The following SORCS1 variants were observed in gnomAD, a reference collection of about 807,000 sequenced individuals.
SORCS1 encodes the protein sortilin related VPS10 domain containing receptor 1, also known as VPS10 domain-containing receptor SorCS1.
SORCS1 carries 60 observed loss-of-function variants against 146.1 expected under a neutral mutation model. That is an observed-to-expected ratio of 0.41 (90% CI 0.33 to 0.51). The LOEUF (loss-of-function observed/expected upper bound fraction) is 0.51, where lower values mean the gene tolerates loss of function less well. Among genes scored for constraint, SORCS1 ranks in the 20% least tolerant of loss-of-function variants. The pLI is 0.21. For synonymous variants in SORCS1, 637 were observed against 584.0 expected (o/e 1.09, Z -1.31); for missense variants, 1,352 against 1,487.6 (o/e 0.91, Z 1.50).
chr10:107,091,606 G>A (rs780550011), intron 1 of SORCS1, among the ~76,000 whole-genome samples: 9 of 151,982 alleles, frequency 5.9e-5, no homozygotes, highest in South Asian at 2.1e-4. Flanking sequence ...TCCAGAGACC[G>A]AGTTCATTTG....
At chr10:107,030,167 G>A (rs566348194) in intron 1 of SORCS1, among the ~76,000 whole-genome samples, 7 of 152,128 alleles carry the variant, frequency 4.6e-5, no homozygotes, top group Admixed American at 2.6e-4. Context: ...TTGTTGGGTC[G>A]AGTGCCAGTC....
intron 1 of SORCS1, among the ~76,000 whole-genome samples, chr10:107,063,031 T>C (rs56413815): frequency 0.035 from 5,371 of 152,282 alleles, 297 homozygotes; most frequent in African/African-American, 0.12. Context: ...TACTAGGCTC[T>C]GTGAGAGGTT....
intron 2 of SORCS1, among the ~76,000 whole-genome samples, chr10:106,924,022 C>T (rs1952854642): frequency 6.6e-6 from 1 of 152,066 alleles, no homozygotes; most frequent in Non-Finnish European, 1.5e-5. Flanking sequence ...CTTTGGGAGG[C>T]CAAGGGCAGA....
intron 2 of SORCS1, among the ~76,000 whole-genome samples, chr10:106,902,031 G>A (rs1439492838): frequency 6.6e-6 from 1 of 150,852 alleles, no homozygotes; most frequent in South Asian, 2.1e-4. Flanking sequence ...GTGACAGAGC[G>A]AGACTCTGTC....
At chr10:107,065,746 G>T (rs1017490047) in intron 1 of SORCS1, among the ~76,000 whole-genome samples, 3 of 152,004 alleles carry the variant, frequency 2.0e-5, no homozygotes, top group Admixed American at 1.3e-4. Context: ...TCGAACTCCT[G>T]AGCTCAAGAG....
At chr10:106,790,424 G>C (rs1383471698) in intron 3 of SORCS1, among the ~76,000 whole-genome samples, 1 of 152,182 alleles carries the variant, frequency 6.6e-6, no homozygotes, top group East Asian at 1.9e-4. Context: ...ACTGAAACTA[G>C]GGGTTTATAT....
intron 24 of SORCS1, among the ~76,000 whole-genome samples, chr10:106,579,873 C>T (rs1047704973): frequency 6.6e-6 from 1 of 152,080 alleles, no homozygotes; most frequent in Admixed American, 6.6e-5. Flanking sequence ...AGAAAAGTGC[C>T]AGGCACATAG....
chr10:106,617,053 C>G (rs972575694), intron 21 of SORCS1, among the ~76,000 whole-genome samples: 1 of 151,704 alleles, frequency 6.6e-6, no homozygotes, highest in African/African-American at 2.4e-5. Context: ...CTCCTGGGTT[C>G]AAGCGATTCT....
At chr10:106,749,054 G>A (rs1233683578) in intron 5 of SORCS1, among the ~76,000 whole-genome samples, 1 of 152,180 alleles carries the variant, frequency 6.6e-6, no homozygotes, top group African/African-American at 2.4e-5. Context: ...TTATTTGGGA[G>A]TTATACATGG....
At chr10:106,688,365 A>G in intron 9 of SORCS1, 27 bp from the exon 10 acceptor site, 1 of 1,607,880 alleles carries the variant, frequency 6.2e-7, no homozygotes, top group Non-Finnish European at 8.5e-7. Flanking sequence ...TGGCTGAAAA[A>G]TACATCAATT....
chr10:106,838,103 C>T (rs1287815738), intron 2 of SORCS1, among the ~76,000 whole-genome samples: 1 of 152,132 alleles, frequency 6.6e-6, no homozygotes, highest in Non-Finnish European at 1.5e-5. Flanking sequence ...GCTTGCTTTT[C>T]TTGTGTTACC....
chr10:106,829,858 T>G (rs531149707), intron 2 of SORCS1, among the ~76,000 whole-genome samples, 185 bp from the exon 3 acceptor site: 3 of 152,344 alleles, frequency 2.0e-5, no homozygotes, highest in Admixed American at 2.0e-4. Context: ...TGCATTTAGA[T>G]TGAATTGGTA....
chr10:107,039,320 A>G (rs1010517617), intron 1 of SORCS1, among the ~76,000 whole-genome samples: 6 of 130,960 alleles, frequency 4.6e-5, no homozygotes, highest in African/African-American at 1.4e-4. Flanking sequence ...GAGAGACTCC[A>G]TCTCAAATAA....
intron 12 of SORCS1, among the ~76,000 whole-genome samples, chr10:106,678,109 C>G (rs1852171205): frequency 6.6e-6 from 1 of 152,182 alleles, no homozygotes; most frequent in Non-Finnish European, 1.5e-5. Context: ...ATGCTGTTTT[C>G]TCGTCAGATT....
chr10:107,155,393 G>C lies in SORCS1; in HGVS notation c.558+8576C>G, dbSNP rs747796134. 5.4e-4 allele frequency among the ~76,000 whole-genome samples: 82 copies of C among 152,190 alleles called. 1 individual carries two copies. The highest frequency in any genetic ancestry group is 1.0e-3 in the Admixed American group (16 of 15,288). On this transcript the variant is annotated intron_variant, in intron 1 of 25. Transcript: ENST00000263054. ...GGGAGTTTGTAAAATATAGATGCCT[G>C]GTCCCTTCTCCCCATCAGGTCATTC...
intron 18 of SORCS1, among the ~76,000 whole-genome samples, chr10:106,644,284 G>C (rs531002309): frequency 8.6e-5 from 13 of 152,022 alleles, no homozygotes; most frequent in Middle Eastern, 3.4e-3. Context: ...ACTGAAAACT[G>C]CCAGTACACT....
intron 6 of SORCS1, among the ~76,000 whole-genome samples, chr10:106,729,750 T>A (rs1009532669): frequency 6.6e-6 from 1 of 152,018 alleles, no homozygotes; most frequent in African/African-American, 2.4e-5. Flanking sequence ...TTATGAAAAA[T>A]TATTAAGACT....
chr10:106,655,072 G>T (rs541941940), intron 17 of SORCS1, among the ~76,000 whole-genome samples: 45 of 152,220 alleles, frequency 3.0e-4, no homozygotes, highest in East Asian at 1.9e-4. Flanking sequence ...GGCCAGGCTG[G>T]TCTCAAACTC....
In SORCS1 at chr10:106,732,163, C is replaced by T. The variant is rs1325252307; in HGVS notation, c.960-2049G>A. ...TCTGATTGATACATGGCCTGCAATT[C>T]AGAGCCTATGCTTGAAACATTAAAT... On this transcript the variant is annotated intron_variant, in intron 5 of 25. Transcript: ENST00000263054. Among the ~76,000 whole-genome samples, 4 of 152,348 alleles carry T rather than the reference C, an allele frequency of 2.6e-5. No individual in the cohort carries two copies. The East Asian group carries it at 7.7e-4, about 29-fold the overall frequency.
Sources: gnomAD v4.1 joint callset for allele counts (sites outside exome capture counted in the v4.1 genomes callset) on GRCh38, gnomAD v4.1.1 for gene constraint, MANE v1.5 for transcripts, NCBI Gene and HGNC (gene_info 2026-07-23, HGNC 2026-07-21) for gene names.